GRID2: variants seen among roughly 807,000 people sequenced by gnomAD.
GRID2 encodes the protein glutamate ionotropic receptor delta type subunit 2.
Under a neutral mutation model 114.8 loss-of-function variants are expected in GRID2, and 33 were observed. That is an observed-to-expected ratio of 0.29 (90% CI 0.22 to 0.38). The LOEUF (loss-of-function observed/expected upper bound fraction) is 0.38, where lower values mean the gene tolerates loss of function less well. Ranked by LOEUF, GRID2 falls within the 10% of genes least tolerant of loss-of-function variation. GRID2 has a pLI of 1.00. For missense variants in GRID2, 1,184 were observed against 1,257.7 expected (o/e 0.94, Z 0.89); for synonymous variants, 505 against 449.9 (o/e 1.12, Z -1.55).
intron 2 of GRID2, among the ~76,000 whole-genome samples, chr4:93,078,822 ATATAAT>A (rs1729597755): frequency 6.8e-6 from 1 of 146,732 alleles, no homozygotes; most frequent in African/African-American, 2.5e-5. Flanking sequence ...TATATACTAA[ATATAAT>A]TATATTTAGT....
chr4:93,799,916 A>G (rs2110365790), intron 1 of GRID2, among the ~76,000 whole-genome samples: 1 of 152,362 alleles, frequency 6.6e-6, no homozygotes, highest in Middle Eastern at 3.4e-3. Flanking sequence ...ACACTAAGGA[A>G]ATCTTATTTT....
At chr4:92,889,931 G>C (rs764430711) in intron 2 of GRID2, among the ~76,000 whole-genome samples, 1 of 152,066 alleles carries the variant, frequency 6.6e-6, no homozygotes, top group Non-Finnish European at 1.5e-5. Flanking sequence ...TAGACCAATG[G>C]AACAGAACAG....
chr4:93,459,777 C>T (rs1034034609), intron 11 of GRID2, among the ~76,000 whole-genome samples: 8 of 152,120 alleles, frequency 5.3e-5, no homozygotes, highest in African/African-American at 1.7e-4. Context: ...TTTGAACATG[C>T]CAAAAATGTA....
intron 14 of GRID2, among the ~76,000 whole-genome samples, chr4:93,756,009 T>G (rs2110296085): frequency 6.6e-6 from 1 of 152,334 alleles, no homozygotes; most frequent in African/African-American, 2.4e-5. Context: ...TACTTACCTG[T>G]TTTAATTTAT....
chr4:93,138,040 T>C (rs1346346641), intron 4 of GRID2, among the ~76,000 whole-genome samples: 1 of 140,444 alleles, frequency 7.1e-6, no homozygotes, highest in African/African-American at 2.6e-5. Context: ...TGGTGCAATC[T>C]TGGCTTATTG....
At chr4:93,789,612 C>T (rs1734658159) in intron 1 of GRID2, among the ~76,000 whole-genome samples, 1 of 152,176 alleles carries the variant, frequency 6.6e-6, no homozygotes, top group African/African-American at 2.4e-5. Flanking sequence ...ACCCAACTTA[C>T]AGTAAAACTT....
At chr4:92,985,135 A>G (rs972397143) in intron 2 of GRID2, among the ~76,000 whole-genome samples, 2 of 152,068 alleles carry the variant, frequency 1.3e-5, no homozygotes, top group Non-Finnish European at 2.9e-5. Flanking sequence ...ATCCAATGAT[A>G]GTCTCATCTG....
chr4:93,537,250 A>G (rs1452607369), intron 13 of GRID2, among the ~76,000 whole-genome samples: 4 of 151,718 alleles, frequency 2.6e-5, no homozygotes, highest in African/African-American at 9.7e-5. Flanking sequence ...TCACCCCATC[A>G]AGTAGTCTCT....
intron 8 of GRID2, among the ~76,000 whole-genome samples, chr4:93,313,532 A>G (rs1431467002): frequency 1.3e-5 from 2 of 152,300 alleles, no homozygotes; most frequent in Middle Eastern, 3.4e-3. Context: ...CTCTCTTACT[A>G]TGTGAAACTT....
intron 2 of GRID2, among the ~76,000 whole-genome samples, chr4:92,939,188 A>C (rs539740319): frequency 2.7e-5 from 4 of 147,456 alleles, no homozygotes; most frequent in African/African-American, 4.8e-5. Context: ...CCAACAGTGT[A>C]AAAGTGTTCC....
At chr4:92,919,505 C>A (rs1034519520) in intron 2 of GRID2, among the ~76,000 whole-genome samples, 3 of 152,154 alleles carry the variant, frequency 2.0e-5, no homozygotes, top group African/African-American at 7.2e-5. Context: ...ATAAGTTTCC[C>A]TCTACACACT....
chr4:93,084,520 A>C (rs1282483598), intron 2 of GRID2, among the ~76,000 whole-genome samples: 1 of 152,198 alleles, frequency 6.6e-6, no homozygotes, highest in Non-Finnish European at 1.5e-5. Context: ...CTTTTCTCCA[A>C]ACCTTCATCT....
In GRID2 at chr4:92,852,453, G is replaced by C. The variant is rs1406563122; in HGVS notation, c.245-232542G>C. ...TCCACCTTAAAATAAACAACTCCAC[G>C]CTGAAGGGAAACTCTTTCTTCAAAT... On this transcript the variant is annotated intron_variant, in intron 2 of 15. Transcript: ENST00000282020. 3.3e-5 allele frequency among the ~76,000 whole-genome samples: 5 copies of C among 151,714 alleles called. No individual in the cohort carries two copies. In the Admixed American group the frequency reaches 3.3e-4, roughly 10 times the overall value.
intron 2 of GRID2, among the ~76,000 whole-genome samples, chr4:92,631,519 T>C (rs1297089021): frequency 2.6e-5 from 4 of 152,142 alleles, no homozygotes; most frequent in Non-Finnish European, 5.9e-5. Flanking sequence ...AGGAAAATAA[T>C]TTTAAATACT....
At chr4:93,787,835 G>A (rs192674065) in intron 1 of GRID2, among the ~76,000 whole-genome samples, 7 of 152,232 alleles carry the variant, frequency 4.6e-5, no homozygotes, top group Admixed American at 1.3e-4. Context: ...ACTAATTACT[G>A]GCTTAGCTAT....
At chr4:92,590,934 T>G (rs1258926773) in intron 2 of GRID2, among the ~76,000 whole-genome samples, 1 of 152,228 alleles carries the variant, frequency 6.6e-6, no homozygotes, top group Non-Finnish European at 1.5e-5. Context: ...GATTGAAAGA[T>G]CCTAGAAAAA....
intron 8 of GRID2, among the ~76,000 whole-genome samples, chr4:93,368,842 A>G (rs577376331): frequency 6.0e-4 from 91 of 152,316 alleles, no homozygotes; most frequent in African/African-American, 2.1e-3. Flanking sequence ...AGAGTCTTCC[A>G]CTTTACGAAG....
At chr4:92,342,455 A>G (rs1727544779) in intron 1 of GRID2, among the ~76,000 whole-genome samples, 1 of 152,200 alleles carries the variant, frequency 6.6e-6, no homozygotes, top group Non-Finnish European at 1.5e-5. Context: ...AAGAAGCCAT[A>G]TAATTAGAGA....
chr4:93,319,547 A>G (rs932219752), intron 8 of GRID2: 1 of 152,090 alleles, frequency 6.6e-6, no homozygotes, highest in Non-Finnish European at 1.5e-5. Context: ...AATTAAGGTT[A>G]CTAATTAGGT....
Sources: allele counts gnomAD v4.1 joint callset (sites outside exome capture counted in the v4.1 genomes callset), GRCh38; gene constraint gnomAD v4.1.1; transcripts MANE v1.5; gene names NCBI Gene and HGNC (gene_info 2026-07-23, HGNC 2026-07-21).